The following ADAMTSL1 variants were observed in gnomAD, a reference collection of about 807,000 sequenced individuals.
The protein encoded by ADAMTSL1 is ADAMTS like 1.
In ADAMTSL1, 126 loss-of-function variants were observed where a neutral mutation model predicts 201.8. That is an observed-to-expected ratio of 0.62 (90% CI 0.54 to 0.72). ADAMTSL1 has a LOEUF of 0.72. Ranked by LOEUF, ADAMTSL1 falls within the 30% of genes least tolerant of loss-of-function variation. ADAMTSL1 has a pLI of 0.00. For synonymous variants in ADAMTSL1, 1,121 were observed against 903.4 expected (o/e 1.24, Z -4.32); for missense variants, 2,679 against 2,277.8 (o/e 1.18, Z -3.59).
chr9:18,589,374 T>TATA (rs1823760354), intron 4 of ADAMTSL1, among the ~76,000 whole-genome samples: 1 of 152,198 alleles, frequency 6.6e-6, no homozygotes, highest in Non-Finnish European at 1.5e-5. Context: ...ATTTTTCAAA[T>TATA]TGATCACTGT....
chr9:18,263,264 T>G (rs1831991349), intron 2 of ADAMTSL1, among the ~76,000 whole-genome samples: 1 of 152,200 alleles, frequency 6.6e-6, no homozygotes, highest in Non-Finnish European at 1.5e-5. Context: ...TACTTCTCAG[T>G]GCACATACTC....
At chr9:18,321,468 A>G (rs1032297810) in intron 2 of ADAMTSL1, among the ~76,000 whole-genome samples, 6 of 152,234 alleles carry the variant, frequency 3.9e-5, no homozygotes, top group African/African-American at 1.4e-4. Flanking sequence ...GACCTGATTA[A>G]CATTTACAGA....
chr9:18,472,357 G>C (rs1325290808), upstream of ADAMTSL1, among the ~76,000 whole-genome samples: 1 of 152,158 alleles, frequency 6.6e-6, no homozygotes, highest in East Asian at 1.9e-4. Flanking sequence ...GCTAGTTTTT[G>C]AGAGATTTGT....
intron 22 of ADAMTSL1, among the ~76,000 whole-genome samples, chr9:18,827,530 A>G (rs1824657835): frequency 6.6e-6 from 1 of 152,186 alleles, no homozygotes; most frequent in African/African-American, 2.4e-5. Flanking sequence ...GCTCAGAGAA[A>G]GATGTTATTT....
At chr9:18,599,118 G>A (rs1824461562) in intron 4 of ADAMTSL1, among the ~76,000 whole-genome samples, 1 of 152,162 alleles carries the variant, frequency 6.6e-6, no homozygotes, top group East Asian at 1.9e-4. Context: ...ATTTGTTGAT[G>A]CACCCATCCA....
At chr9:17,998,569 A>T (rs1316583846) in intron 1 of ADAMTSL1, among the ~76,000 whole-genome samples, 1 of 152,098 alleles carries the variant, frequency 6.6e-6, no homozygotes, top group Non-Finnish European at 1.5e-5. Context: ...TTCAGTAATC[A>T]CAGGGTATGT....
intron 9 of ADAMTSL1, among the ~76,000 whole-genome samples, chr9:18,668,940 A>T (rs1420115328): frequency 6.6e-6 from 1 of 152,210 alleles, no homozygotes; most frequent in African/African-American, 2.4e-5. Flanking sequence ...GCAAAAGCAA[A>T]TTGGGATGTG....
chr9:18,689,834 G>A (rs886401518), intron 13 of ADAMTSL1, among the ~76,000 whole-genome samples: 2 of 152,212 alleles, frequency 1.3e-5, no homozygotes, highest in African/African-American at 4.8e-5. Context: ...GTAGGATTGG[G>A]TAGTCCTTGT....
intron 1 of ADAMTSL1, among the ~76,000 whole-genome samples, chr9:18,131,411 T>A (rs1176012227): frequency 6.6e-6 from 1 of 152,122 alleles, no homozygotes; most frequent in Non-Finnish European, 1.5e-5. Context: ...GTTGTATGAG[T>A]GCTGCAGGGT....
chr9:18,060,369 A>T (rs748396361), intron 1 of ADAMTSL1, among the ~76,000 whole-genome samples: 19 of 152,284 alleles, frequency 1.2e-4, no homozygotes, highest in Admixed American at 2.0e-4. Flanking sequence ...GATAAGCTGT[A>T]AAACAACCCT....
At chr9:18,550,662 G>T (rs1820745437) in intron 3 of ADAMTSL1, among the ~76,000 whole-genome samples, 2 of 151,876 alleles carry the variant, frequency 1.3e-5, no homozygotes, top group Non-Finnish European at 2.9e-5. Flanking sequence ...GAAACGCTAA[G>T]AAAAGGACCC....
At position 18,408,358 on chromosome 9, in the gene ADAMTSL1, C is replaced by T. The variant is rs532333293; in HGVS notation, c.208-96471C>T. ...TGGTGGTAGGCACCTGTAATCCCAG[C>T]GACTTGGGAGGCTGAGGCAGGAGAA... On this transcript the variant is annotated intron_variant, in intron 2 of 29. Transcript: ENST00000680146. 1.1e-4 allele frequency among the ~76,000 whole-genome samples: 17 copies of T among 152,166 alleles called. No individual in the cohort carries two copies. In the South Asian group the frequency reaches 1.2e-3, roughly 11 times the overall value.
intron 1 of ADAMTSL1, among the ~76,000 whole-genome samples, chr9:18,119,436 G>C (rs561521532): frequency 5.9e-5 from 9 of 152,176 alleles, no homozygotes; most frequent in Non-Finnish European, 8.8e-5. Context: ...AAGTAGCTGA[G>C]ACTACAGGTG....
chr9:18,149,335 C>A (rs1826799822), intron 1 of ADAMTSL1, among the ~76,000 whole-genome samples: 1 of 151,934 alleles, frequency 6.6e-6, no homozygotes, highest in African/African-American at 2.4e-5. Flanking sequence ...CAGAAGCCAT[C>A]CAATGTTGCT....
intron 1 of ADAMTSL1, among the ~76,000 whole-genome samples, chr9:18,053,432 T>G (rs1822028938): frequency 6.6e-6 from 1 of 152,238 alleles, no homozygotes; most frequent in Non-Finnish European, 1.5e-5. Context: ...TTCTAGAAAT[T>G]ATATGAAAAT....
chr9:18,441,707 C>A (rs1258793705), intron 2 of ADAMTSL1, among the ~76,000 whole-genome samples: 1 of 151,864 alleles, frequency 6.6e-6, no homozygotes, highest in African/African-American at 2.4e-5. Context: ...ATAGGAGATG[C>A]TAAGAAGACA....
In ADAMTSL1 at chr9:18,657,671, C is replaced by G. The variant is rs1194682067; in HGVS notation, c.867C>G (p.Val289=). The G allele has an allele frequency of 1.2e-6, 2 of 1,614,070 alleles. No individual in the cohort carries two copies. Among genetic ancestry groups the G allele is most frequent in the Non-Finnish European group, 1.7e-6 (2 of 1,180,040 alleles). Residue 289 remains valine, a synonymous_variant, in exon 8 of 29, where the codon GTC becomes GTG. Transcript: ENST00000380548. ...ACTCGGGCTCCGCTGACAGTACAGT[C>G]CAGTTCATCTTCTATCAACCCATCA... The part of the protein sequence containing the change: ...IRNSGSADST[V]QFIFYQPIIH...
intron 20 of ADAMTSL1, among the ~76,000 whole-genome samples, chr9:18,812,359 G>C (rs1823557958): frequency 6.6e-6 from 1 of 152,118 alleles, no homozygotes. Flanking sequence ...AGAGCAATTA[G>C]ACATCCATAG....
Position 18,375,292 on chromosome 9 carries a change from C to G in ADAMTSL1, c.208-129537C>G, listed in dbSNP as rs147025312. On this transcript the variant is annotated intron_variant, in intron 2 of 29. Coordinates refer to the ADAMTSL1 transcript ENST00000680146. ...ATTGTTTTTCTATGGATTATTACCT[C>G]AGTCATATCCTGTAACTGATTACTG... Among the ~76,000 whole-genome samples, 806 of 152,314 alleles carry G rather than the reference C, an allele frequency of 5.3e-3. 8 individuals are homozygous for G. The highest frequency in any genetic ancestry group is 0.019 in the African/African-American group (778 of 41,568).
Sources: allele counts gnomAD v4.1 joint callset (sites outside exome capture counted in the v4.1 genomes callset), GRCh38; gene constraint gnomAD v4.1.1; transcripts MANE v1.5; gene names NCBI Gene and HGNC (gene_info 2026-07-23, HGNC 2026-07-21).